The following UBE2E2 variants were observed in gnomAD, a reference collection of about 807,000 sequenced individuals.
The protein encoded by UBE2E2 is ubiquitin conjugating enzyme E2 E2, also known as ubiquitin-conjugating enzyme E2 E2.
A neutral mutation model predicts 24.7 loss-of-function variants in UBE2E2; 6 were observed. That is an observed-to-expected ratio of 0.24 (90% CI 0.13 to 0.48). The LOEUF is 0.48. Among genes scored for constraint, UBE2E2 ranks in the 20% least tolerant of loss-of-function variants. UBE2E2 has a pLI of 0.99. For synonymous variants in UBE2E2, 104 were observed against 83.6 expected (o/e 1.24, Z -1.33); for missense variants, 169 against 245.0 (o/e 0.69, Z 2.07).
At chr3:23,551,359 A>T (rs899279453) in intron 5 of UBE2E2, among the ~76,000 whole-genome samples, 1 of 152,220 alleles carries the variant, frequency 6.6e-6, no homozygotes, top group African/African-American at 2.4e-5. Flanking sequence ...AACTTCATGA[A>T]ATGTGAATGC....
intron 3 of UBE2E2, among the ~76,000 whole-genome samples, chr3:23,444,132 C>G (rs955280870): frequency 1.4e-5 from 2 of 147,252 alleles, no homozygotes; most frequent in African/African-American, 5.1e-5. Context: ...TTATGTCCCT[C>G]AAATGTCTGA....
Position 23,590,130 on chromosome 3 carries a change from G to A in UBE2E2, c.*299G>A, listed in dbSNP as rs974240266. The A allele has an allele frequency of 1.0e-5, 3 of 298,958 alleles. No homozygotes were observed. The highest frequency in any genetic ancestry group is 6.4e-5 in the African/African-American group (3 of 46,618). 18.5% of individuals were successfully genotyped at this position (298,958 alleles called of 1,614,324 possible). A position where few individuals can be genotyped will look rare whatever the true frequency, so the allele number is the denominator to read the frequency against. On this transcript the variant is annotated 3_prime_UTR_variant, in exon 6 of 6. Transcript: ENST00000396703. ...AACTTTTGTTTTCAGTGCAAACAAT[G>A]TTGGAGCTGTAATAGTAAGAGCTTT...
intron 5 of UBE2E2, among the ~76,000 whole-genome samples, chr3:23,539,999 C>G (rs1427511262): frequency 6.6e-6 from 1 of 152,090 alleles, no homozygotes; most frequent in African/African-American, 2.4e-5. Context: ...CAGTGTGTCC[C>G]TCACCCAGCT....
At chr3:23,485,967 T>G (rs1699359718) in intron 3 of UBE2E2, among the ~76,000 whole-genome samples, 1 of 152,196 alleles carries the variant, frequency 6.6e-6, no homozygotes, top group Non-Finnish European at 1.5e-5. Context: ...AGTAGTGTCA[T>G]GGGATCCTTC....
At chr3:23,574,069 A>G (rs562630626) in intron 5 of UBE2E2, among the ~76,000 whole-genome samples, 3 of 152,350 alleles carry the variant, frequency 2.0e-5, no homozygotes, top group East Asian at 1.9e-4. Flanking sequence ...TATGATTTGC[A>G]ACAACATGGA....
intron 3 of UBE2E2, among the ~76,000 whole-genome samples, chr3:23,431,643 G>C (rs1698063038): frequency 6.6e-6 from 1 of 152,064 alleles, no homozygotes; most frequent in Non-Finnish European, 1.5e-5. Context: ...CATCACTTCT[G>C]ACATCTTCAG....
chr3:23,341,220 C>G (rs1198207384), intron 3 of UBE2E2, among the ~76,000 whole-genome samples: 1 of 152,076 alleles, frequency 6.6e-6, no homozygotes, highest in Non-Finnish European at 1.5e-5. Context: ...AACAAATTAT[C>G]TTATTGGTGG....
intron 5 of UBE2E2, among the ~76,000 whole-genome samples, chr3:23,576,324 C>T (rs1415548791): frequency 1.3e-5 from 2 of 152,092 alleles, no homozygotes; most frequent in African/African-American, 4.8e-5. Flanking sequence ...ATCAAAGATA[C>T]AGTGGAACTG....
chr3:23,397,255 C>T (rs1266002796), intron 3 of UBE2E2, among the ~76,000 whole-genome samples: 2 of 152,100 alleles, frequency 1.3e-5, no homozygotes, highest in Non-Finnish European at 2.9e-5. Flanking sequence ...TAGTTGTCAT[C>T]AAGAAGCTTA....
intron 3 of UBE2E2, among the ~76,000 whole-genome samples, chr3:23,492,757 T>C (rs977281100): frequency 6.6e-6 from 1 of 152,182 alleles, no homozygotes; most frequent in East Asian, 1.9e-4. Context: ...CTAAGCACTT[T>C]TTTTGTAATA....
intron 5 of UBE2E2, among the ~76,000 whole-genome samples, chr3:23,541,696 C>T (rs576408277): frequency 2.0e-5 from 3 of 152,304 alleles, no homozygotes; most frequent in Admixed American, 6.5e-5. Flanking sequence ...GGTTCTTCCC[C>T]ACCACCGCCC....
chr3:23,231,833 A>G (rs1300056223), intron 3 of UBE2E2, among the ~76,000 whole-genome samples: 1 of 152,188 alleles, frequency 6.6e-6, no homozygotes, highest in Non-Finnish European at 1.5e-5. Context: ...TTAAAAGGAT[A>G]CAAGTAAACA....
chr3:23,300,158 G>A (rs1183181325), intron 3 of UBE2E2, among the ~76,000 whole-genome samples: 8 of 151,938 alleles, frequency 5.3e-5, no homozygotes, highest in Admixed American at 6.6e-5. Flanking sequence ...CCATCCCTTT[G>A]TTTTGAGCCT....
At chr3:23,401,284 G>A (rs185035549) in intron 3 of UBE2E2, among the ~76,000 whole-genome samples, 1 of 152,272 alleles carries the variant, frequency 6.6e-6, no homozygotes, top group East Asian at 1.9e-4. Context: ...AAAACACTTT[G>A]GAGGCTAAGA....
chr3:23,265,387 G>A (rs899576398), intron 3 of UBE2E2, among the ~76,000 whole-genome samples: 13 of 152,080 alleles, frequency 8.5e-5, no homozygotes, highest in African/African-American at 3.1e-4. Context: ...AGTGACTGAA[G>A]TTAGGATGTG....
intron 3 of UBE2E2, among the ~76,000 whole-genome samples, chr3:23,258,754 G>A (rs992816926): frequency 1.3e-4 from 20 of 151,820 alleles, no homozygotes; most frequent in African/African-American, 4.1e-4. Flanking sequence ...TTAGCCGGGC[G>A]TGGTGGCGGG....
At chr3:23,552,665 A>G (rs142678518) in intron 5 of UBE2E2, among the ~76,000 whole-genome samples, 1 of 152,308 alleles carries the variant, frequency 6.6e-6, no homozygotes, top group Non-Finnish European at 1.5e-5. Context: ...CTTCTTTACA[A>G]ATTGTACTTT....
chr3:23,367,071 G>A (rs1469552599), intron 3 of UBE2E2, among the ~76,000 whole-genome samples: 1 of 152,002 alleles, frequency 6.6e-6, no homozygotes, highest in Non-Finnish European at 1.5e-5. Flanking sequence ...TATCCTTTTT[G>A]ATTTTCTCAT....
At chr3:23,588,973 T>C (rs932653474) in intron 5 of UBE2E2, among the ~76,000 whole-genome samples, 5 of 152,150 alleles carry the variant, frequency 3.3e-5, no homozygotes, top group African/African-American at 1.2e-4. Flanking sequence ...CTCTGGCGTC[T>C]CCTCAGATAA....
Sources: gnomAD v4.1 joint callset for allele counts (sites outside exome capture counted in the v4.1 genomes callset) on GRCh38, gnomAD v4.1.1 for gene constraint, MANE v1.5 for transcripts, NCBI Gene and HGNC (gene_info 2026-07-23, HGNC 2026-07-21) for gene names.